The following TRPM2 variants were observed in gnomAD, a reference collection of about 807,000 sequenced individuals.
The protein encoded by TRPM2 is transient receptor potential cation channel subfamily M member 2.
Under a neutral mutation model 174.0 loss-of-function variants are expected in TRPM2, and 161 were observed. The ratio of observed to expected loss-of-function variants is 0.93; its 90% CI spans 0.81 to 1.05. The LOEUF (loss-of-function observed/expected upper bound fraction) is 1.05, where lower values mean the gene tolerates loss of function less well. Among genes scored for constraint, TRPM2 ranks in the 50% least tolerant of loss-of-function variants. The pLI is 0.00. For synonymous variants in TRPM2, 954 were observed against 861.3 expected, an observed-to-expected ratio of 1.11 and a Z score of -1.88; for missense variants, 2,057 against 2,038.0, an observed-to-expected ratio of 1.01 and a Z score of -0.18.
At chr21:44,372,339 AC>A (rs1282185844) in intron 5 of TRPM2, among the ~76,000 whole-genome samples, 2 of 152,054 alleles carry the variant, frequency 1.3e-5, no homozygotes, top group African/African-American at 4.8e-5. Flanking sequence ...CCCCGTCTCT[AC>A]AAAAAATTAG....
At chr21:44,406,287 G>A (rs2049872711) in intron 18 of TRPM2, among the ~76,000 whole-genome samples, 1 of 150,976 alleles carries the variant, frequency 6.6e-6, no homozygotes, top group Non-Finnish European at 1.5e-5. Context: ...TCAGCTCTAG[G>A]AGCTTTCCTC....
At chr21:44,403,115 C>G (rs1002539224) in intron 16 of TRPM2, among the ~76,000 whole-genome samples, 1 of 152,150 alleles carries the variant, frequency 6.6e-6, no homozygotes, top group Non-Finnish European at 1.5e-5. Flanking sequence ...CCACCAGACC[C>G]TCTCTACAAG....
intron 20 of TRPM2, among the ~76,000 whole-genome samples, chr21:44,417,295 T>A (rs1392943392): frequency 1.6e-5 from 2 of 127,584 alleles, no homozygotes; most frequent in Non-Finnish European, 3.2e-5. Flanking sequence ...CTCTCTGGCA[T>A]CACAGTGGGC....
intron 19 of TRPM2, among the ~76,000 whole-genome samples, chr21:44,411,076 C>T (rs575125941): frequency 9.9e-5 from 15 of 152,282 alleles, no homozygotes; most frequent in East Asian, 9.6e-4. Context: ...TCTTGGTGAG[C>T]GTAGCCTTGT....
intron 20 of TRPM2, chr21:44,416,501 GGTCTGGCTCTTGTGCTC>G (rs1278930073): frequency 6.3e-6 from 1 of 158,496 alleles, no homozygotes; most frequent in Non-Finnish European, 1.4e-5. Context: ...ACCCCTGGAG[GGTCTGGCTCTTGTGCTC>G]GTCAGAATCC....
rs377404206 is a variant in TRPM2, at chr21:44,407,113, T to A, written c.2962+348T>A. ...TCAATCAGAAATAACTTCCTTCTTC[T>A]CTTGATGGAAATAATTCATTCCTCC... On this transcript the variant is annotated intron_variant, in intron 19 of 31. Transcript: ENST00000397928. Among the ~76,000 whole-genome samples the A allele has an allele frequency of 7.4e-3, 186 of 25,186 alleles. 1 individual carries two copies. Among genetic ancestry groups the A allele is most frequent in the African/African-American group, 0.025 (179 of 7,154 alleles). The allele number at this position is 25,186 out of a possible 152,430, so 16.5% of individuals were successfully genotyped here.
chr21:44,441,443 C>A (rs2051501121), intron 31 of TRPM2, among the ~76,000 whole-genome samples: 1 of 152,236 alleles, frequency 6.6e-6, no homozygotes, highest in Non-Finnish European at 1.5e-5. Context: ...CCATAAATAA[C>A]CCCGGGCTTT....
rs370612235 is a variant in TRPM2 at position 44,400,314 on chromosome 21, G to A, written c.2264G>A (p.Arg755His). The A allele has an allele frequency of 2.2e-5, 36 of 1,612,724 alleles. No homozygotes were observed. The highest frequency in any genetic ancestry group is 2.2e-4 in the East Asian group (10 of 44,886). Residue 755 changes from arginine (R) to histidine (H), a missense_variant, in exon 15 of 32, where the codon CGT (arginine) becomes CAT (histidine). Arg to His is a conservative substitution (Grantham distance 29). Transcript: ENST00000397928. ...GQLSVDNGLWRVTLCMLAFPL... is the reference protein window; with the variant it reads ...GQLSVDNGLWHVTLCMLAFPL... ...CTCTCCGTGGACAATGGGCTGTGGC[G>A]TGTGACCCTGTGCATGCTGGCCTTC...
chr21:44,402,018 G>C lies in TRPM2; in HGVS notation c.2538+121G>C, dbSNP rs1470850003. 1.0e-5 allele frequency: 12 copies of C among 1,168,332 alleles called. No individual in the cohort carries two copies. The African/African-American group carries it at 1.7e-4, about 16-fold the overall frequency. 72.4% of individuals were successfully genotyped at this position (1,168,332 alleles called of 1,614,324 possible). A position where few individuals can be genotyped will look rare whatever the true frequency, so the allele number is the denominator to read the frequency against. On this transcript the variant is annotated intron_variant, in intron 16 of 31. Transcript: ENST00000397928. ...GCCTGCCCAGCTCCCTGCAAGCTGA[G>C]CAGAGCCGGTGTTTCCTCCCCAAAA...
chr21:44,421,250 G>A (rs970879608), intron 22 of TRPM2, among the ~76,000 whole-genome samples: 2 of 151,842 alleles, frequency 1.3e-5, no homozygotes, highest in Admixed American at 6.6e-5. Flanking sequence ...CCCAGGAGGC[G>A]GAGGTTGCAG....
chr21:44,414,239 G>C (rs1255411275), intron 20 of TRPM2, among the ~76,000 whole-genome samples, 165 bp downstream of exon 20: 1 of 152,214 alleles, frequency 6.6e-6, no homozygotes, highest in Non-Finnish European at 1.5e-5. Context: ...CACTCTCTGT[G>C]GTCACTGCTG....
chr21:44,391,191 C>T lies in TRPM2; in HGVS notation c.1441-81C>T. On this transcript the variant is annotated intron_variant, in intron 10 of 31. Coordinates refer to ENST00000397928, the MANE Select transcript of TRPM2 (RefSeq NM_003307.4). The surrounding 1 kb of genome is among the most constrained non-coding windows in gnomAD (Gnocchi z 5.0). ...CCCCAGGTTGGGGACAACAGCAGCC[C>T]CCATCTCCAGGGTCTTTGAGATCAG... 1 of 1,535,882 alleles carries T rather than the reference C, an allele frequency of 6.5e-7. No individual in the cohort carries two copies. Among genetic ancestry groups the T allele is most frequent in the Non-Finnish European group, 8.9e-7 (1 of 1,128,250 alleles).
At chr21:44,428,280 G>T (rs1454694086) in intron 27 of TRPM2, among the ~76,000 whole-genome samples, 3 of 152,142 alleles carry the variant, frequency 2.0e-5, no homozygotes, top group Non-Finnish European at 4.4e-5. Flanking sequence ...ATTGTATAAG[G>T]TGTGAGGAGG....
At position 44,397,824 on chromosome 21, in the gene TRPM2, C is replaced by T. The variant is rs968624628; in HGVS notation, c.2010C>T (p.Asp670=). The part of the protein sequence containing the change: ...KELSKEEEDT[D]SSEEMLALAE... ...TGTCCAAGGAGGAGGAGGACACGGA[C>T]AGCTCGGAGGAGATGCTGGCGCTGG... Residue 670 remains aspartate, a synonymous_variant, in exon 13 of 32, where the codon GAC becomes GAT. Transcript: ENST00000397928. 1 of 1,608,440 alleles carries T rather than the reference C, an allele frequency of 6.2e-7. No homozygotes were observed.
At position 44,353,860 on chromosome 21, in the gene TRPM2, G is replaced by T; in HGVS notation, c.160G>T (p.Asp54Tyr). ...GCTACAGTGCCCCTTCGGCAACAATGACAAGGTAGGCTTTCTGCTGGTCAG... is the reference window on the plus strand; with the variant it reads ...GCTACAGTGCCCCTTCGGCAACAATTACAAGGTAGGCTTTCTGCTGGTCAG... Reference protein sequence around the residue: ...WRLQCPFGNNDKQESLSSWIP... With the variant: ...WRLQCPFGNNYKQESLSSWIP... The change falls in exon 1 of 32, where the codon GAC becomes TAC. Residue 54 changes from aspartate to tyrosine, a missense_variant. Coordinates refer to ENST00000397928, the MANE Select transcript of TRPM2 (RefSeq NM_003307.4). 6.3e-7 allele frequency: 1 copy of T among 1,598,246 alleles called. No individual in the cohort carries two copies. Among genetic ancestry groups the T allele is most frequent in the Non-Finnish European group, 8.5e-7 (1 of 1,173,500 alleles).
chr21:44,427,833 C>T (rs866674154), intron 27 of TRPM2, among the ~76,000 whole-genome samples: 2 of 152,130 alleles, frequency 1.3e-5, no homozygotes, highest in Non-Finnish European at 2.9e-5. Context: ...TGGTAGGAGG[C>T]GATGGGGCCT....
At chr21:44,420,555 A>G (rs1327104445) in intron 22 of TRPM2, among the ~76,000 whole-genome samples, 1 of 152,212 alleles carries the variant, frequency 6.6e-6, no homozygotes, top group Non-Finnish European at 1.5e-5. Context: ...GTCCACTTAC[A>G]GAGGAGGGGG....
intron 2 of TRPM2, among the ~76,000 whole-genome samples, chr21:44,362,367 C>T (rs1274712777): frequency 2.0e-5 from 2 of 101,654 alleles, no homozygotes; most frequent in Non-Finnish European, 3.9e-5. Flanking sequence ...AAAAAAAAAG[C>T]CAGATGTGGT....
chr21:44,434,115 G>C (rs1227734506), intron 27 of TRPM2, among the ~76,000 whole-genome samples: 2 of 152,176 alleles, frequency 1.3e-5, no homozygotes, highest in East Asian at 3.8e-4. Context: ...AGTCTAGGCT[G>C]TGGGGAGAGG....
Sources: allele counts gnomAD v4.1 joint callset (sites outside exome capture counted in the v4.1 genomes callset), GRCh38; gene constraint gnomAD v4.1.1; non-coding constraint Gnocchi (gnomAD v3.1); transcripts MANE v1.5; gene names NCBI Gene and HGNC (gene_info 2026-07-23, HGNC 2026-07-21).